The following CERS3 variants were observed in gnomAD, a reference collection of about 807,000 sequenced individuals.
CERS3 encodes ceramide synthase 3, also known as LAG1 homolog, ceramide synthase 3.
A neutral mutation model predicts 50.3 loss-of-function variants in CERS3; 33 were observed. The ratio of observed to expected loss-of-function variants is 0.66; its 90% CI spans 0.50 to 0.88. The LOEUF (loss-of-function observed/expected upper bound fraction) is 0.88, where lower values mean the gene tolerates loss of function less well. Among genes scored for constraint, CERS3 ranks in the 40% least tolerant of loss-of-function variants. CERS3 has a pLI of 0.00. For missense variants in CERS3, 470 were observed against 460.3 expected, an observed-to-expected ratio of 1.02 and a Z score of -0.19; for synonymous variants, 176 against 155.2, an observed-to-expected ratio of 1.13 and a Z score of -0.99.
intron 2 of CERS3, among the ~76,000 whole-genome samples, chr15:100,509,590 C>T (rs1008884573): frequency 3.9e-5 from 6 of 152,142 alleles, no homozygotes; most frequent in African/African-American, 9.7e-5. Context: ...TGCAAGGATG[C>T]GCTTGAGTTC....
intron 11 of CERS3, among the ~76,000 whole-genome samples, chr15:100,411,503 T>C (rs2031488986): frequency 6.6e-6 from 1 of 152,128 alleles, no homozygotes; most frequent in African/African-American, 2.4e-5. Context: ...TTCCATGGTG[T>C]GCATATATCA....
intron 11 of CERS3, among the ~76,000 whole-genome samples, chr15:100,405,706 A>T (rs2030972253): frequency 6.6e-6 from 1 of 152,208 alleles, no homozygotes; most frequent in Non-Finnish European, 1.5e-5. Context: ...GGAAAGAGTT[A>T]TTTGGGTTGA....
At chr15:100,431,943 T>C (rs1180736720) in intron 11 of CERS3, among the ~76,000 whole-genome samples, 2 of 152,174 alleles carry the variant, frequency 1.3e-5, no homozygotes, top group Non-Finnish European at 2.9e-5. Flanking sequence ...GTGTGAGTAG[T>C]AGATCTTCTT....
chr15:100,515,455 T>A (rs1191290080), intron 2 of CERS3, among the ~76,000 whole-genome samples: 1 of 152,204 alleles, frequency 6.6e-6, no homozygotes, highest in Non-Finnish European at 1.5e-5. Context: ...CCCCTTCACC[T>A]TAATCCGCTT....
intron 11 of CERS3, among the ~76,000 whole-genome samples, chr15:100,448,109 C>G (rs961626289): frequency 2.0e-5 from 3 of 152,150 alleles, no homozygotes; most frequent in South Asian, 4.1e-4. Flanking sequence ...ACATAAGGCT[C>G]TGAAGTATTA....
intron 1 of CERS3, among the ~76,000 whole-genome samples, chr15:100,525,018 A>T (rs1206709378): frequency 6.6e-6 from 1 of 152,208 alleles, no homozygotes; most frequent in Non-Finnish European, 1.5e-5. Context: ...TTAATGTAAT[A>T]TTTTACCTCT....
intron 3 of CERS3, among the ~76,000 whole-genome samples, chr15:100,492,261 T>C (rs1376158779): frequency 6.6e-6 from 1 of 152,226 alleles, no homozygotes; most frequent in African/African-American, 2.4e-5. Context: ...CTGTTGATAA[T>C]CTTCTGCCTA....
chr15:100,436,568 C>G (rs902446498), intron 11 of CERS3, among the ~76,000 whole-genome samples: 1 of 152,046 alleles, frequency 6.6e-6, no homozygotes. Context: ...CAGCAAACTA[C>G]CATGGCACAT....
At chr15:100,503,994 G>A (rs1042684895) in intron 2 of CERS3, 4 of 314,642 alleles carry the variant, frequency 1.3e-5, no homozygotes, top group Non-Finnish European at 2.5e-5. Flanking sequence ...CTAGATCAGA[G>A]GGTAGGATAC....
At chr15:100,410,628 T>G (rs1227359232) in intron 11 of CERS3, among the ~76,000 whole-genome samples, 1 of 152,158 alleles carries the variant, frequency 6.6e-6, no homozygotes, top group East Asian at 1.9e-4. Context: ...ACTTCCAACT[T>G]CTGCTTCTCC....
Position 100,443,310 on chromosome 15 carries a change from T to C in CERS3, c.999+12583A>G, listed in dbSNP as rs578106923. Among the ~76,000 whole-genome samples the C allele has an allele frequency of 1.7e-3, 253 of 151,148 alleles. No homozygotes were observed. The East Asian group carries it at 0.029, about 17-fold the overall frequency. On this transcript the variant is annotated intron_variant, in intron 11 of 11. Coordinates refer to ENST00000679737, the MANE Select transcript of CERS3 (RefSeq NM_001378789.1). The stretch of plus-strand genomic sequence containing the variant: ...ATCCCACAGCATGCTTTGAAAAGAC[T>C]AAAGCCTGTTATCACTCTCCTGCTA...
chr15:100,492,525 A>T (rs1401169226), intron 3 of CERS3, among the ~76,000 whole-genome samples: 1 of 152,216 alleles, frequency 6.6e-6, no homozygotes, highest in Admixed American at 6.5e-5. Context: ...CAGCTACTCC[A>T]GTCCTCTTTT....
At chr15:100,480,072 C>A (rs1277606955) in intron 5 of CERS3, 26 bp from the exon 6 acceptor site, 2 of 1,571,464 alleles carry the variant, frequency 1.3e-6, no homozygotes, top group Middle Eastern at 1.7e-4. Context: ...AAAATCTTTA[C>A]TCCCTTGTAA....
intron 11 of CERS3, chr15:100,408,888 A>C (rs1122847): frequency 6.6e-6 from 1 of 151,968 alleles, no homozygotes; most frequent in African/African-American, 2.4e-5. Flanking sequence ...CATAGCAGCT[A>C]TTCTCTTTAT....
rs1002308413 is a variant in CERS3 at position 100,509,960 on chromosome 15, G to A, written c.-1-8110C>T. On this transcript the variant is annotated intron_variant, in intron 2 of 11. Transcript: ENST00000679737. ...ATTCTTAAAATTTGGTTAAAGGGTC[G>A]GGTAAACATGTTTATCTACATTAGT... is the stretch of plus-strand genomic sequence containing the variant. Among the ~76,000 whole-genome samples, 6 of 151,790 alleles carry A rather than the reference G, an allele frequency of 4.0e-5. No individual in the cohort carries two copies. The South Asian group carries it at 6.2e-4, about 16-fold the overall frequency.
chr15:100,409,630 G>A lies in CERS3; in HGVS notation c.1000-6765C>T, dbSNP rs1045033919. ...GTATTTTCTGAAACTCTACCTGTCT[G>A]CTTTGACTGAGTGCCAAGACTTTGC... is the stretch of plus-strand genomic sequence containing the variant. On this transcript the variant is annotated intron_variant, in intron 11 of 11. Transcript: ENST00000679737. Among the ~76,000 whole-genome samples the A allele has an allele frequency of 1.9e-4, 29 of 152,172 alleles. 1 individual carries two copies. The highest frequency in any genetic ancestry group is 5.9e-5 in the Non-Finnish European group (4 of 68,038).
At chr15:100,460,286 G>A (rs1307568020) in intron 10 of CERS3, among the ~76,000 whole-genome samples, 1 of 152,138 alleles carries the variant, frequency 6.6e-6, no homozygotes, top group Non-Finnish European at 1.5e-5. Context: ...CGAGCAGAGA[G>A]TACCTACCTT....
At chr15:100,519,957 G>C (rs1198123937) in intron 2 of CERS3, among the ~76,000 whole-genome samples, 1 of 152,074 alleles carries the variant, frequency 6.6e-6, no homozygotes, top group Non-Finnish European at 1.5e-5. Context: ...CCCTCCTCTG[G>C]CCTCACTTCT....
In CERS3 at chr15:100,442,998, A is replaced by G. The variant is rs986510737; in HGVS notation, c.999+12895T>C. On this transcript the variant is annotated intron_variant, in intron 11 of 11. Transcript: ENST00000679737. Reference sequence around the variant, plus strand: ...CAACTCTGGTGCCAACTTAGACAATACTCTTTTAAGCACTCCTTTTTAGTT... The same window carrying G: ...CAACTCTGGTGCCAACTTAGACAATGCTCTTTTAAGCACTCCTTTTTAGTT... Among the ~76,000 whole-genome samples the G allele has an allele frequency of 1.7e-4, 26 of 151,324 alleles. No homozygotes were observed. The East Asian group carries it at 3.6e-3, about 21-fold the overall frequency.
Sources: gnomAD v4.1 joint callset for allele counts (sites outside exome capture counted in the v4.1 genomes callset) on GRCh38, gnomAD v4.1.1 for gene constraint, MANE v1.5 for transcripts, NCBI Gene and HGNC (gene_info 2026-07-23, HGNC 2026-07-21) for gene names.